The following AMY2B variants were observed in gnomAD, a reference collection of about 807,000 sequenced individuals.
AMY2B encodes amylase alpha 2B.
In AMY2B, 63 loss-of-function variants were observed where a neutral mutation model predicts 59.3. That is an observed-to-expected ratio of 1.06 (90% CI 0.87 to 1.31). The LOEUF (loss-of-function observed/expected upper bound fraction) is 1.31. AMY2B is among the 50% of genes most tolerant of loss of function. AMY2B has a pLI of 0.00. For synonymous variants in AMY2B, 180 were observed against 198.1 expected, an observed-to-expected ratio of 0.91 and a Z score of 0.77; for missense variants, 635 against 626.7, an observed-to-expected ratio of 1.01 and a Z score of -0.14.
intron 1 of AMY2B, among the ~76,000 whole-genome samples, chr1:103,560,584 C>T (rs1428828641): frequency 6.6e-6 from 1 of 152,106 alleles, no homozygotes; most frequent in Non-Finnish European, 1.5e-5. Context: ...TAATGATTAG[C>T]ACTGATTATA....
intron 5 of AMY2B, among the ~76,000 whole-genome samples, chr1:103,574,779 TTTATA>T (rs1557770881): frequency 6.6e-6 from 1 of 151,410 alleles, no homozygotes; most frequent in Admixed American, 6.6e-5. Flanking sequence ...TATAAAAATA[TTTATA>T]TTATAACAAT....
intron 9 of AMY2B, among the ~76,000 whole-genome samples, chr1:103,578,575 T>G (rs1247524788): frequency 3.9e-5 from 6 of 152,296 alleles, no homozygotes; most frequent in Non-Finnish European, 7.4e-5. Flanking sequence ...TATATTTCAC[T>G]GATGAAAAAT....
intron 1 of AMY2B, 52 bp from the exon 2 acceptor site, chr1:103,572,058 T>G: frequency 2.5e-6 from 4 of 1,608,366 alleles, no homozygotes; most frequent in Non-Finnish European, 3.4e-6. Flanking sequence ...TCTAGAACAT[T>G]CAATGATATA....
At chr1:103,563,949 G>A (rs1346270214) in intron 1 of AMY2B, among the ~76,000 whole-genome samples, 1 of 152,132 alleles carries the variant, frequency 6.6e-6, no homozygotes, top group African/African-American at 2.4e-5. Flanking sequence ...CTGAGAAGTA[G>A]AAAGTATTAG....
rs1243415607 is a variant in AMY2B at position 103,577,931 on chromosome 1, A to C, written c.1346+86A>C. On this transcript the variant is annotated intron_variant, in intron 9 of 9. Transcript: ENST00000684275. Reference sequence around the variant, plus strand: ...TTTTCTGTTCATTGACATTTATCATATCTGAAAAATCATGTAGTCAGTGGA... The same window carrying C: ...TTTTCTGTTCATTGACATTTATCATCTCTGAAAAATCATGTAGTCAGTGGA... 13 of 1,575,380 alleles carry C rather than the reference A, an allele frequency of 8.3e-6. No individual in the cohort carries two copies. In the East Asian group the frequency reaches 2.9e-4, roughly 35 times the overall value.
At chr1:103,554,931 A>T (rs1372227185) in exon 1 of AMY2B, 1 of 152,182 alleles carries the variant, frequency 6.6e-6, no homozygotes, top group African/African-American at 2.4e-5. Context: ...TACTGACATG[A>T]TTCACTAATT....
intron 2 of AMY2B, 55 bp downstream of exon 2, chr1:103,572,311 T>C: frequency 6.3e-7 from 1 of 1,587,774 alleles, no homozygotes; most frequent in African/African-American, 1.4e-5. Flanking sequence ...GATTTCTCTC[T>C]CTTCTTTCTT....
chr1:103,578,516 T>C (rs1367977190), intron 9 of AMY2B, among the ~76,000 whole-genome samples: 909 of 152,178 alleles, frequency 6.0e-3, no homozygotes, highest in African/African-American at 0.021. Context: ...TTGAATTGTC[T>C]CTGTCCAAAG....
intron 5 of AMY2B, among the ~76,000 whole-genome samples, chr1:103,574,793 A>G (rs1652280307): frequency 6.6e-6 from 1 of 151,458 alleles, no homozygotes; most frequent in Non-Finnish European, 1.5e-5. Flanking sequence ...TATTATAACA[A>G]TACAGTATTG....
At chr1:103,565,181 G>C (rs1259853445) in intron 1 of AMY2B, 3 of 152,164 alleles carry the variant, frequency 2.0e-5, no homozygotes, top group Non-Finnish European at 4.4e-5. Flanking sequence ...GTGGGGGATT[G>C]GTTCCAGGAC....
upstream of AMY2B, chr1:103,569,809 G>C (rs902712025): frequency 2.2e-6 from 1 of 452,830 alleles, no homozygotes; most frequent in Non-Finnish European, 4.4e-6. Flanking sequence ...AGAAGATCTG[G>C]CATCACACCT....
chr1:103,578,158 G>C (rs1021047594), intron 9 of AMY2B, among the ~76,000 whole-genome samples: 1 of 151,970 alleles, frequency 6.6e-6, no homozygotes, highest in African/African-American at 2.4e-5. Context: ...GTTAATATGA[G>C]GATTGTGAAA....
At chr1:103,577,991 G>T in intron 9 of AMY2B, 146 bp downstream of exon 9, 1 of 1,499,482 alleles carries the variant, frequency 6.7e-7, no homozygotes, top group Non-Finnish European at 8.8e-7. Context: ...TTGGGCAGAA[G>T]TAAAAAGATG....
At chr1:103,562,700 A>C (rs1210760476) in intron 1 of AMY2B, among the ~76,000 whole-genome samples, 1 of 125,772 alleles carries the variant, frequency 8.0e-6, no homozygotes, top group African/African-American at 2.9e-5. Flanking sequence ...TGTCAATGTT[A>C]ATTCATTTGC....
chr1:103,579,080 T>A (rs1375655788), intron 9 of AMY2B, among the ~76,000 whole-genome samples: 1 of 152,214 alleles, frequency 6.6e-6, no homozygotes, highest in Non-Finnish European at 1.5e-5. Context: ...TCTTCAACTT[T>A]GATTTTTTGG....
At chr1:103,566,291 T>A (rs1464177313) in intron 2 of AMY2B, among the ~76,000 whole-genome samples, 1 of 152,186 alleles carries the variant, frequency 6.6e-6, no homozygotes, top group Non-Finnish European at 1.5e-5. Flanking sequence ...TTATTGTTTG[T>A]TTTTGTGTAT....
chr1:103,577,827 T>C lies in AMY2B; in HGVS notation c.1328T>C (p.Val443Ala). ...GGGAGAGGAAACAGAGGATTCATTGTTTTCAACAATGATGACTGGTAAGTA... is the reference window on the plus strand; with the variant it reads ...GGGAGAGGAAACAGAGGATTCATTGCTTTCAACAATGATGACTGGTAAGTA... Reference protein sequence around the residue: ...AFGRGNRGFIVFNNDDWTFSL... With the variant: ...AFGRGNRGFIAFNNDDWTFSL... Residue 443 changes from valine to alanine, a missense_variant, in exon 9 of 10, where the codon GTT (valine) becomes GCT (alanine). Coordinates refer to ENST00000684275, the MANE Select transcript of AMY2B (RefSeq NM_001387437.1). 6.2e-7 allele frequency: 1 copy of C among 1,603,658 alleles called. No individual in the cohort carries two copies. Among genetic ancestry groups the C allele is most frequent in the Non-Finnish European group, 8.5e-7 (1 of 1,179,728 alleles).
At chr1:103,574,734 A>G (rs1652277839) in intron 5 of AMY2B, among the ~76,000 whole-genome samples, 1 of 151,884 alleles carries the variant, frequency 6.6e-6, no homozygotes, top group Non-Finnish European at 1.5e-5. Flanking sequence ...AAGTTTCCAT[A>G]CTGTAGAATT....
intron 1 of AMY2B, chr1:103,564,955 T>C (rs879710735): frequency 6.6e-6 from 1 of 152,170 alleles, no homozygotes; most frequent in Non-Finnish European, 1.5e-5. Context: ...AAAGTTTAAA[T>C]CACAGAGTCC....
Sources: gnomAD v4.1 joint callset for allele counts (sites outside exome capture counted in the v4.1 genomes callset) on GRCh38, gnomAD v4.1.1 for gene constraint, MANE v1.5 for transcripts, NCBI Gene and HGNC (gene_info 2026-07-23, HGNC 2026-07-21) for gene names.